Variants in TRAT1 observed in about 807,000 individuals in gnomAD.
TRAT1 encodes T-cell receptor-associated transmembrane adapter 1.
Under a neutral mutation model 20.0 loss-of-function variants are expected in TRAT1, and 20 were observed. The ratio of observed to expected loss-of-function variants is 1.00; its 90% confidence interval spans 0.70 to 1.45. The LOEUF is 1.45. Among genes scored for constraint, TRAT1 ranks in the 40% most tolerant of loss-of-function variants. The probability of loss-of-function intolerance (pLI) is 0.00; values close to 1 mark genes in which losing one functional copy is unlikely to be tolerated. For missense variants in TRAT1, 237 were observed against 224.1 expected (o/e 1.06, Z -0.37); for synonymous variants, 77 against 74.2 (o/e 1.04, Z -0.20).
Position 108,830,766 on chromosome 3 carries a change from A to G in TRAT1, c.104A>G (p.Glu35Gly), listed in dbSNP as rs748377914. ...ATCTTCAATATTTCCCACTATGTGG[A>G]AAAGCAACGACAAGGTAAGACATTT... is the stretch of plus-strand genomic sequence containing the variant. ...SLIFNISHYV[E>G]KQRQDKMYSY... The change falls in exon 2 of 6, where the codon GAA becomes GGA. Residue 35 changes from glutamate (E) to glycine (G), a missense_variant. Glu to Gly is a moderately conservative substitution (Grantham distance 98, BLOSUM62 -2). Transcript: ENST00000295756. 6.2e-7 allele frequency: 1 copy of G among 1,610,290 alleles called. No homozygotes were observed. The highest frequency in any genetic ancestry group is 8.5e-7 in the Non-Finnish European group (1 of 1,176,522).
At chr3:108,825,229 C>T (rs565441553) in intron 1 of TRAT1, among the ~76,000 whole-genome samples, 1 of 151,884 alleles carries the variant, frequency 6.6e-6, no homozygotes, top group East Asian at 1.9e-4. Context: ...AAACAAAAAC[C>T]CAAGTATTTT....
chr3:108,842,769 G>A (rs1228514501), intron 3 of TRAT1, among the ~76,000 whole-genome samples: 1 of 152,178 alleles, frequency 6.6e-6, no homozygotes, highest in East Asian at 1.9e-4. Flanking sequence ...TTTGGCGAAA[G>A]ACCCTTCTTT....
intron 2 of TRAT1, 78 bp from the exon 3 acceptor site, chr3:108,838,856 C>A: frequency 8.8e-7 from 1 of 1,135,102 alleles, no homozygotes; most frequent in South Asian, 1.2e-5. Flanking sequence ...GCTAAACTCC[C>A]CTCAGAACAC....
intron 3 of TRAT1, 138 bp from the exon 4 acceptor site, chr3:108,846,930 G>A: frequency 1.6e-6 from 1 of 622,426 alleles, no homozygotes; most frequent in East Asian, 3.0e-5. Flanking sequence ...ACTTGCACAA[G>A]AACACACCTA....
At chr3:108,827,396 G>A (rs1210788708) in intron 1 of TRAT1, among the ~76,000 whole-genome samples, 1 of 150,442 alleles carries the variant, frequency 6.6e-6, no homozygotes, top group Non-Finnish European at 1.5e-5. Flanking sequence ...GTGTGTGTGT[G>A]TGTGTGTGTG....
Position 108,832,337 on chromosome 3 carries a change from G to A in TRAT1, c.118+1557G>A, listed in dbSNP as rs117079048. Among the ~76,000 whole-genome samples, 32 of 152,252 alleles carry A rather than the reference G, an allele frequency of 2.1e-4. No individual in the cohort carries two copies. In the East Asian group the frequency reaches 6.0e-3, roughly 28 times the overall value. ...ATTATATCAATTCTATGGCTAAGGT[G>A]AAATTTATGACAAGCAATCTTTTTC... On this transcript the variant is annotated intron_variant, in intron 2 of 5. Transcript: ENST00000295756.
chr3:108,845,945 C>T (rs981867443), intron 3 of TRAT1, among the ~76,000 whole-genome samples: 3 of 152,122 alleles, frequency 2.0e-5, no homozygotes, highest in Admixed American at 6.5e-5. Flanking sequence ...GCATTACTCA[C>T]GTGAGGCTGG....
At chr3:108,826,716 C>T (rs1319049973) in intron 1 of TRAT1, among the ~76,000 whole-genome samples, 1 of 152,238 alleles carries the variant, frequency 6.6e-6, no homozygotes, top group African/African-American at 2.4e-5. Context: ...ACGTTCATTG[C>T]TCTGACAGAG....
Position 108,825,409 on chromosome 3 carries a change from C to T in TRAT1, c.7+2475C>T, listed in dbSNP as rs531606839. ...AAATAATGATTCACAATTTAGTTTA[C>T]TCATCTTCATTTTTTTTAAAAAAAA... On this transcript the variant is annotated intron_variant, in intron 1 of 5. Coordinates refer to ENST00000295756, the MANE Select transcript of TRAT1 (RefSeq NM_016388.4). Among the ~76,000 whole-genome samples, 17 of 151,998 alleles carry T rather than the reference C, an allele frequency of 1.1e-4. 1 individual carries two copies. Among genetic ancestry groups the T allele is most frequent in the South Asian group, 1.0e-3 (5 of 4,818 alleles).
chr3:108,823,994 C>A (rs772849519), intron 1 of TRAT1, among the ~76,000 whole-genome samples: 4 of 152,004 alleles, frequency 2.6e-5, no homozygotes, highest in Non-Finnish European at 5.9e-5. Flanking sequence ...GCCTCAACCT[C>A]CTGAGTATCT....
chr3:108,830,707 A>C lies in TRAT1; in HGVS notation c.45A>C (p.Leu15=), dbSNP rs758902403. The part of the protein sequence containing the change: ...SGCPFFLWGL[L]ALLGLALVIS... ...GCCCCTTTTTCCTCTGGGGACTTCT[A>C]GCATTGTTGGGCTTGGCTTTGGTTA... Residue 15 remains leucine (L), a synonymous_variant, in exon 2 of 6, where the codon CTA becomes CTC. Transcript: ENST00000295756. 7.4e-6 allele frequency: 12 copies of C among 1,613,734 alleles called. No homozygotes were observed. The East Asian group carries it at 2.7e-4, about 36-fold the overall frequency.
intron 3 of TRAT1, among the ~76,000 whole-genome samples, chr3:108,845,506 A>G (rs1308920522): frequency 2.0e-5 from 3 of 152,204 alleles, no homozygotes; most frequent in African/African-American, 7.2e-5. Flanking sequence ...GAATTACCGG[A>G]TGGAAAAAAG....
chr3:108,853,896 C>A lies in TRAT1; in HGVS notation c.*19C>A. ...AAACTAGCTGGACCATGATCTAGTT[C>A]AATGATTTGGCTCCTATTGAAGATG... On this transcript the variant is annotated 3_prime_UTR_variant, in exon 6 of 6. Transcript: ENST00000295756. 1 of 1,609,512 alleles carries A rather than the reference C, an allele frequency of 6.2e-7. No homozygotes were observed. The highest frequency in any genetic ancestry group is 8.5e-7 in the Non-Finnish European group (1 of 1,176,770).
chr3:108,831,670 G>C (rs1945794987), intron 2 of TRAT1, among the ~76,000 whole-genome samples: 3 of 151,454 alleles, frequency 2.0e-5, no homozygotes, highest in African/African-American at 4.9e-5. Flanking sequence ...CTCTCAAGTA[G>C]CTAGGATTAC....
rs1156930779 is a variant in TRAT1 at position 108,838,354 on chromosome 3, G to T, written c.119-580G>T. Among the ~76,000 whole-genome samples the T allele has an allele frequency of 1.1e-3, 38 of 35,738 alleles. No homozygotes were observed. In the African/African-American group the frequency reaches 0.014, roughly 13 times the overall value. 23.4% of individuals were successfully genotyped at this position (35,738 alleles called of 152,430 possible). On this transcript the variant is annotated intron_variant, in intron 2 of 5. Coordinates refer to ENST00000295756, the MANE Select transcript of TRAT1 (RefSeq NM_016388.4). ...GATAGATAGATGATAGATATAGATA[G>T]ATGATAGATAGATAGATAGATAGAT...
chr3:108,825,660 T>C (rs566979936), intron 1 of TRAT1, among the ~76,000 whole-genome samples: 74 of 152,296 alleles, frequency 4.9e-4, no homozygotes, highest in African/African-American at 1.6e-3. Flanking sequence ...TTAAAGATCA[T>C]AGTTCCAAGA....
At chr3:108,832,644 C>A (rs1295583764) in intron 2 of TRAT1, among the ~76,000 whole-genome samples, 1 of 151,992 alleles carries the variant, frequency 6.6e-6, no homozygotes, top group Non-Finnish European at 1.5e-5. Flanking sequence ...AGGTGACAAC[C>A]AAGACAAGAC....
At chr3:108,834,745 G>A (rs1193059631) in intron 2 of TRAT1, among the ~76,000 whole-genome samples, 3 of 152,180 alleles carry the variant, frequency 2.0e-5, no homozygotes, top group Non-Finnish European at 4.4e-5. Flanking sequence ...TTTTGCTGGT[G>A]TAATAAATAG....
chr3:108,841,752 C>T (rs972800121), intron 3 of TRAT1, among the ~76,000 whole-genome samples: 10 of 152,140 alleles, frequency 6.6e-5, no homozygotes, highest in Non-Finnish European at 1.2e-4. Flanking sequence ...GCACCTAAAT[C>T]AAGCAGAAAA....
Sources: gnomAD v4.1 joint callset for allele counts (sites outside exome capture counted in the v4.1 genomes callset) on GRCh38, gnomAD v4.1.1 for gene constraint, MANE v1.5 for transcripts, NCBI Gene and HGNC (gene_info 2026-07-23, HGNC 2026-07-21) for gene names.